Variants in ZEB1 observed in about 807,000 individuals in gnomAD.
ZEB1 encodes zinc finger E-box binding homeobox 1.
Under a neutral mutation model 84.9 loss-of-function variants are expected in ZEB1, and 21 were observed. That is an observed-to-expected ratio of 0.25 (90% confidence interval 0.18 to 0.36). The LOEUF (loss-of-function observed/expected upper bound fraction) is 0.36. Ranked by LOEUF, ZEB1 falls within the 10% of genes least tolerant of loss-of-function variation. ZEB1 has a pLI of 1.00. For missense variants in ZEB1, 1,104 were observed against 1,330.2 expected (o/e 0.83, Z 2.65); for synonymous variants, 420 against 471.1 (o/e 0.89, Z 1.41).
At position 31,467,855 on chromosome 10, in the gene ZEB1, C is replaced by T. The variant is rs558674158; in HGVS notation, c.259+6618C>T. Reference sequence around the variant, plus strand: ...TATAGCCTCATAGCCTTGCTTTCTGCTGCAGGGAGTCTTGCATTCTGGAAT... The same window carrying T: ...TATAGCCTCATAGCCTTGCTTTCTGTTGCAGGGAGTCTTGCATTCTGGAAT... On this transcript the variant is annotated intron_variant, in intron 2 of 8. Transcript: ENST00000424869. 2.6e-5 allele frequency among the ~76,000 whole-genome samples: 4 copies of T among 152,226 alleles called. No individual in the cohort carries two copies. In the East Asian group the frequency reaches 7.7e-4, roughly 29 times the overall value.
rs534847511 is a variant in ZEB1, at chr10:31,331,378, G to A, written c.58+12086G>A. ...TGGGATTACAGGCGTGAGCCACCAC[G>A]CCTGGCCCGAAGTGTTAAATTCTAA... On this transcript the variant is annotated intron_variant, in intron 1 of 8. Transcript: ENST00000424869. Among the ~76,000 whole-genome samples, 10 of 152,150 alleles carry A rather than the reference G, an allele frequency of 6.6e-5. No homozygotes were observed. In the East Asian group the frequency reaches 9.7e-4, roughly 15 times the overall value.
chr10:31,520,012 A>T lies in ZEB1; in HGVS notation c.794-114A>T. 1 of 1,348,188 alleles carries T rather than the reference A, an allele frequency of 7.4e-7. No homozygotes were observed. Among genetic ancestry groups the T allele is most frequent in the Non-Finnish European group, 1.0e-6 (1 of 983,402 alleles). The allele number at this position is 1,348,188 out of a possible 1,614,324, so 83.5% of individuals were successfully genotyped here. A position where few individuals can be genotyped will look rare whatever the true frequency, so the allele number is the denominator to read the frequency against. On this transcript the variant is annotated intron_variant, in intron 6 of 8. Coordinates refer to ENST00000424869, the MANE Select transcript of ZEB1 (RefSeq NM_001174096.2). This position sits in a 1 kb window ranked among gnomAD's most constrained non-coding sequence, Gnocchi z 5.1. Reference sequence around the variant, plus strand: ...TTCTAAATACAGTTCTGTCACAAGCATGCATGGCAGTCTTCTTTTTAAAAT... The same window carrying T: ...TTCTAAATACAGTTCTGTCACAAGCTTGCATGGCAGTCTTCTTTTTAAAAT...
chr10:31,521,145 G>T lies in ZEB1; in HGVS notation c.1813G>T (p.Ala605Ser). Residue 605 changes from alanine (A) to serine (S), a missense_variant, in exon 7 of 9, where the codon GCA (alanine) becomes TCA (serine). Ala to Ser is a moderately conservative substitution (Grantham distance 99, BLOSUM62 1). Coordinates refer to ENST00000424869, the MANE Select transcript of ZEB1 (RefSeq NM_001174096.2). ...SLLKAYYALN[A>S]QPSAEELSKI... ...CCTAAAAGCATATTATGCTTTGAAT[G>T]CACAACCAAGTGCAGAAGAGCTCTC... 1 of 1,614,004 alleles carries T rather than the reference G, an allele frequency of 6.2e-7. No homozygotes were observed. Among genetic ancestry groups the T allele is most frequent in the Non-Finnish European group, 8.5e-7 (1 of 1,179,996 alleles).
chr10:31,322,363 G>C (rs1170516706), intron 1 of ZEB1, among the ~76,000 whole-genome samples: 1 of 152,182 alleles, frequency 6.6e-6, no homozygotes, highest in Non-Finnish European at 1.5e-5. Flanking sequence ...AGAAATATGT[G>C]ATATATACAG....
intron 1 of ZEB1, among the ~76,000 whole-genome samples, chr10:31,403,355 C>A (rs988732911): frequency 6.6e-6 from 1 of 151,822 alleles, no homozygotes; most frequent in Non-Finnish European, 1.5e-5. Flanking sequence ...TTGGTTAAAA[C>A]TTTTTCAAAT....
chr10:31,349,636 C>G (rs113425604), intron 1 of ZEB1, among the ~76,000 whole-genome samples: 1 of 152,184 alleles, frequency 6.6e-6, no homozygotes, highest in Non-Finnish European at 1.5e-5. Flanking sequence ...GGTAGTCTCT[C>G]ATTGGGTTTT....
rs138850171 is a variant in ZEB1 at position 31,455,263 on chromosome 10, C to T, written c.59-5774C>T. On this transcript the variant is annotated intron_variant, in intron 1 of 8. Coordinates refer to ENST00000424869, the MANE Select transcript of ZEB1 (RefSeq NM_001174096.2). ...CTTACACTTTATACAAAAATCAACT[C>T]AAGACGGATCAAAGACTGAAACGTA... Among the ~76,000 whole-genome samples the T allele has an allele frequency of 5.5e-3, 838 of 152,292 alleles. 13 individuals are homozygous for T. The highest frequency in any genetic ancestry group is 0.019 in the African/African-American group (775 of 41,554).
rs147098517 is a variant in ZEB1 at position 31,478,867 on chromosome 10, G to T, written c.260-16909G>T. On this transcript the variant is annotated intron_variant, in intron 2 of 8. Coordinates refer to ENST00000424869, the MANE Select transcript of ZEB1 (RefSeq NM_001174096.2). ...GTTGGAGACTCCAAAAAGGGGGAAG[G>T]TAAAAGGGGAATTCGGATTTTTATA... 1.6e-3 allele frequency among the ~76,000 whole-genome samples: 236 copies of T among 151,840 alleles called. 1 individual carries two copies. The highest frequency in any genetic ancestry group is 4.8e-3 in the African/African-American group (197 of 41,464).
At chr10:31,477,311 A>G (rs1324179187) in intron 2 of ZEB1, among the ~76,000 whole-genome samples, 1 of 152,040 alleles carries the variant, frequency 6.6e-6, no homozygotes, top group Non-Finnish European at 1.5e-5. Flanking sequence ...ACACACAAAA[A>G]TAAAATAACT....
intron 1 of ZEB1, among the ~76,000 whole-genome samples, chr10:31,419,454 T>C (rs1023298489): frequency 2.0e-5 from 3 of 152,162 alleles, no homozygotes; most frequent in African/African-American, 7.2e-5. Context: ...TTAATTATAC[T>C]ATGGCTAATG....
At chr10:31,327,099 C>CTTTTTTTTTTTTTTTTTTTT (rs71527629) in intron 1 of ZEB1, among the ~76,000 whole-genome samples, 183 of 84,886 alleles carry the variant, frequency 2.2e-3, no homozygotes, top group Non-Finnish European at 3.1e-3. Context: ...CTTTTCTTTT[C>CTTTTTTTTTTTTTTTTTTTT]TTTTTTTTTT....
chr10:31,455,475 A>G (rs186910398), intron 1 of ZEB1, among the ~76,000 whole-genome samples: 2,587 of 152,340 alleles, frequency 0.017, 65 homozygotes, highest in African/African-American at 0.059. Context: ...GTGAATAGGC[A>G]ACCTACAGAA....
chr10:31,427,758 C>T (rs952632647), intron 1 of ZEB1, among the ~76,000 whole-genome samples: 10 of 151,904 alleles, frequency 6.6e-5, no homozygotes, highest in African/African-American at 2.4e-4. Context: ...ACTCGAGAGG[C>T]TGAGGCAGGA....
chr10:31,399,568 A>C (rs1439904292), intron 1 of ZEB1, among the ~76,000 whole-genome samples: 2 of 152,136 alleles, frequency 1.3e-5, no homozygotes, highest in African/African-American at 4.8e-5. Flanking sequence ...GATCCAAATC[A>C]CCTTCATCTC....
intron 1 of ZEB1, among the ~76,000 whole-genome samples, chr10:31,386,808 TA>T (rs2048716650): frequency 1.3e-5 from 2 of 152,302 alleles, no homozygotes; most frequent in South Asian, 4.1e-4. Flanking sequence ...GCTATGTATA[TA>T]TATTTTAAAA....
At chr10:31,424,268 A>G (rs1402083289) in intron 1 of ZEB1, among the ~76,000 whole-genome samples, 1 of 151,998 alleles carries the variant, frequency 6.6e-6, no homozygotes, top group Non-Finnish European at 1.5e-5. Context: ...TCTTTTCATC[A>G]TGACTTTGCA....
intron 2 of ZEB1, among the ~76,000 whole-genome samples, chr10:31,473,428 G>A (rs1015789817): frequency 2.6e-5 from 4 of 151,976 alleles, no homozygotes; most frequent in African/African-American, 7.3e-5. Context: ...GACAAACAGA[G>A]AGCCAAATCA....
chr10:31,423,302 C>A (rs2056469440), intron 1 of ZEB1, among the ~76,000 whole-genome samples: 3 of 152,008 alleles, frequency 2.0e-5, no homozygotes, highest in Non-Finnish European at 4.4e-5. Context: ...CCACAATTAA[C>A]TAAAAGCTTT....
intron 1 of ZEB1, among the ~76,000 whole-genome samples, chr10:31,370,666 A>G (rs2045535931): frequency 6.6e-6 from 1 of 152,166 alleles, no homozygotes; most frequent in Non-Finnish European, 1.5e-5. Context: ...GAAATTGAGT[A>G]TGTAGGTTAA....
Sources: gnomAD v4.1 joint callset for allele counts (sites outside exome capture counted in the v4.1 genomes callset) on GRCh38, gnomAD v4.1.1 for gene constraint, Gnocchi (gnomAD v3.1) non-coding constraint, MANE v1.5 for transcripts, NCBI Gene and HGNC (gene_info 2026-07-23, HGNC 2026-07-21) for gene names.